The following ZBTB7C variants were observed in gnomAD, a reference collection of about 807,000 sequenced individuals.
The protein encoded by ZBTB7C is zinc finger and BTB domain-containing protein 7C.
A neutral mutation model predicts 25.7 loss-of-function variants in ZBTB7C; 8 were observed. The ratio of observed to expected loss-of-function variants is 0.31; its 90% CI spans 0.18 to 0.56. The LOEUF is 0.56. ZBTB7C is among the 20% of genes least tolerant of loss of function. The probability of loss-of-function intolerance (pLI) is 0.91; values close to 1 mark genes in which losing one functional copy is unlikely to be tolerated. For missense variants in ZBTB7C, 824 were observed against 855.2 expected (o/e 0.96, Z 0.46); for synonymous variants, 394 against 369.0 (o/e 1.07, Z -0.78).
chr18:48,267,079 C>T (rs1380362944), intron 2 of ZBTB7C, among the ~76,000 whole-genome samples: 1 of 152,176 alleles, frequency 6.6e-6, no homozygotes. Context: ...GCAGTGAACA[C>T]CCTGGTACCT....
chr18:48,152,117 A>G (rs1048849269), intron 3 of ZBTB7C, among the ~76,000 whole-genome samples: 19 of 152,148 alleles, frequency 1.2e-4, no homozygotes, highest in African/African-American at 4.6e-4. Flanking sequence ...GCCATGTGCT[A>G]CTACTGGGAC....
intron 2 of ZBTB7C, among the ~76,000 whole-genome samples, chr18:48,246,535 AAC>A (rs1186884508): frequency 6.6e-6 from 1 of 152,058 alleles, no homozygotes; most frequent in Non-Finnish European, 1.5e-5. Context: ...GAAATAAAAA[AAC>A]ACACTTTTTT....
At chr18:48,292,643 C>T (rs1317893390) in intron 2 of ZBTB7C, among the ~76,000 whole-genome samples, 1 of 152,126 alleles carries the variant, frequency 6.6e-6, no homozygotes, top group Non-Finnish European at 1.5e-5. Flanking sequence ...GAGAAGGAGG[C>T]AGAAACTGAA....
chr18:48,210,051 C>T (rs572808351), intron 2 of ZBTB7C, among the ~76,000 whole-genome samples: 5 of 152,108 alleles, frequency 3.3e-5, no homozygotes, highest in African/African-American at 4.8e-5. Flanking sequence ...TGCAAATGGC[C>T]GGTAAGTACA....
intron 3 of ZBTB7C, among the ~76,000 whole-genome samples, chr18:48,066,351 G>C (rs1598812987): frequency 6.6e-6 from 1 of 152,160 alleles, no homozygotes; most frequent in South Asian, 2.1e-4. Context: ...GCCAAGCCCT[G>C]GGGGGGCGGA....
intron 3 of ZBTB7C, among the ~76,000 whole-genome samples, chr18:48,109,377 C>T (rs1419691233): frequency 1.3e-5 from 2 of 152,158 alleles, no homozygotes; most frequent in African/African-American, 2.4e-5. Context: ...ATGACTTCTG[C>T]CCTTTCCCTT....
Position 48,083,647 on chromosome 18 carries a change from T to C in ZBTB7C, c.-16-42524A>G, listed in dbSNP as rs576661702. 2.6e-4 allele frequency among the ~76,000 whole-genome samples: 39 copies of C among 152,290 alleles called. No individual in the cohort carries two copies. In the South Asian group the frequency reaches 7.9e-3, roughly 31 times the overall value. On this transcript the variant is annotated intron_variant, in intron 3 of 4. Coordinates refer to ENST00000590800, the MANE Select transcript of ZBTB7C (RefSeq NM_001318841.2). ...CTGGGACATGGAAATCTCTAATCAC[T>C]GAATGCTTCTCTGTAACGGAATTTG...
chr18:48,181,522 C>T (rs895248441), intron 3 of ZBTB7C, among the ~76,000 whole-genome samples: 1 of 152,172 alleles, frequency 6.6e-6, no homozygotes, highest in Admixed American at 6.5e-5. Flanking sequence ...AAAGAGGCAA[C>T]TGAGGCCCCA....
Position 48,070,053 on chromosome 18 carries a change from G to A in ZBTB7C, c.-16-28930C>T, listed in dbSNP as rs75725937. ...GAAGTAACTGACCCAAAGCATCCGT[G>A]CTCTTGTGTGGCAGAGCCAGAAGTC... is the stretch of plus-strand genomic sequence containing the variant. On this transcript the variant is annotated intron_variant, in intron 3 of 4. Coordinates refer to ENST00000590800, the MANE Select transcript of ZBTB7C (RefSeq NM_001318841.2). Among the ~76,000 whole-genome samples, 813 of 152,290 alleles carry A rather than the reference G, an allele frequency of 5.3e-3. 3 individuals carry two copies. Among genetic ancestry groups the A allele is most frequent in the African/African-American group, 0.019 (796 of 41,546 alleles).
At chr18:48,401,597 C>T (rs1045052023) in intron 1 of ZBTB7C, among the ~76,000 whole-genome samples, 1 of 152,190 alleles carries the variant, frequency 6.6e-6, no homozygotes, top group Admixed American at 6.5e-5. Flanking sequence ...GGGATGGTAT[C>T]TGCCTGGAGG....
intron 3 of ZBTB7C, among the ~76,000 whole-genome samples, chr18:48,163,466 T>G (rs1312503409): frequency 6.6e-6 from 1 of 152,224 alleles, no homozygotes; most frequent in Admixed American, 6.5e-5. Flanking sequence ...TTCCATGAAC[T>G]GGCTGGGAGC....
chr18:48,376,735 G>A (rs1419603675), intron 1 of ZBTB7C, among the ~76,000 whole-genome samples: 1 of 152,224 alleles, frequency 6.6e-6, no homozygotes, highest in South Asian at 2.1e-4. Flanking sequence ...TGTCCAGCCA[G>A]GTGGCCAAAC....
chr18:48,338,447 T>C (rs1317887570), intron 1 of ZBTB7C, 49 bp from the exon 2 acceptor site: 1 of 152,318 alleles, frequency 6.6e-6, no homozygotes, highest in South Asian at 2.1e-4. Flanking sequence ...CAGAAACACA[T>C]GTCCAGGTTT....
intron 3 of ZBTB7C, chr18:48,147,970 C>T (rs2040548312): frequency 6.6e-6 from 1 of 151,758 alleles, no homozygotes; most frequent in Non-Finnish European, 1.5e-5. Flanking sequence ...CTGCCTAACC[C>T]CTCCAGAATT....
At chr18:48,314,636 A>C (rs2045905832) in intron 2 of ZBTB7C, among the ~76,000 whole-genome samples, 1 of 152,144 alleles carries the variant, frequency 6.6e-6, no homozygotes, top group South Asian at 2.1e-4. Context: ...CTGTATACCC[A>C]ATCAGGCACA....
chr18:48,163,275 G>C (rs1297755629), intron 3 of ZBTB7C, among the ~76,000 whole-genome samples: 2 of 152,186 alleles, frequency 1.3e-5, no homozygotes. Flanking sequence ...CATGGCCCTG[G>C]ACAGTGGCTG....
At chr18:48,172,923 G>A (rs2041540609) in intron 3 of ZBTB7C, among the ~76,000 whole-genome samples, 1 of 152,228 alleles carries the variant, frequency 6.6e-6, no homozygotes. Flanking sequence ...GGAGGGGACT[G>A]TGGGGTGGAA....
At chr18:48,341,296 G>A (rs910416461) in intron 1 of ZBTB7C, among the ~76,000 whole-genome samples, 1 of 152,354 alleles carries the variant, frequency 6.6e-6, no homozygotes, top group African/African-American at 2.4e-5. Context: ...AAGGAGAGGT[G>A]GAACTGCCAG....
At chr18:48,198,816 G>C (rs1599085565) in intron 2 of ZBTB7C, among the ~76,000 whole-genome samples, 3 of 152,214 alleles carry the variant, frequency 2.0e-5, no homozygotes, top group African/African-American at 4.8e-5. Context: ...GGATTAGGAT[G>C]TGGACATCTT....
Sources: allele counts gnomAD v4.1 joint callset (sites outside exome capture counted in the v4.1 genomes callset), GRCh38; gene constraint gnomAD v4.1.1; transcripts MANE v1.5; gene names NCBI Gene and HGNC (gene_info 2026-07-23, HGNC 2026-07-21).